Variants in POU2AF1 observed in about 807,000 individuals in gnomAD.
POU2AF1 encodes POU class 2 homeobox associating factor 1.
A neutral mutation model predicts 26.3 loss-of-function variants in POU2AF1; 12 were observed. The observed-to-expected ratio is 0.46, with a 90% CI of 0.29 to 0.74. The LOEUF (loss-of-function observed/expected upper bound fraction) is 0.74. POU2AF1 is among the 30% of genes least tolerant of loss of function. The pLI is 0.09. For missense variants in POU2AF1, 297 were observed against 334.5 expected (o/e 0.89, Z 0.87); for synonymous variants, 175 against 148.0 (o/e 1.18, Z -1.32).
At position 111,354,283 on chromosome 11, in the gene POU2AF1, G is replaced by C. The variant is rs769839003; in HGVS notation, c.749C>G (p.Thr250Ser). 1 of 1,614,200 alleles carries C rather than the reference G, an allele frequency of 6.2e-7. No homozygotes were observed. Among genetic ancestry groups the C allele is most frequent in the South Asian group, 1.1e-5 (1 of 91,078 alleles). ...EDSDAYALNH[T>S]LSVEGF ...CGCCTAAAAGCCTTCCACAGAGAGA[G>C]TGTGGTTAAGCGCATAGGCGTCGCT... The change falls in exon 5 of 5, where the codon ACT (threonine) becomes AGT (serine). Residue 250 changes from threonine (T) to serine (S), a missense_variant. Transcript: ENST00000393067.
At chr11:111,360,673 C>T (rs577512555) in intron 1 of POU2AF1, among the ~76,000 whole-genome samples, 1 of 152,242 alleles carries the variant, frequency 6.6e-6, no homozygotes, top group Middle Eastern at 3.4e-3. Flanking sequence ...TGATATAGGC[C>T]TAGGAATCTG....
At chr11:111,368,626 G>A (rs181419910) in intron 1 of POU2AF1, among the ~76,000 whole-genome samples, 1 of 152,280 alleles carries the variant, frequency 6.6e-6, no homozygotes, top group East Asian at 1.9e-4. Context: ...CTCTTCAACT[G>A]GGAGAGGAAG....
At chr11:111,371,671 C>T (rs1861211749) in intron 1 of POU2AF1, among the ~76,000 whole-genome samples, 4 of 152,248 alleles carry the variant, frequency 2.6e-5, no homozygotes, top group Admixed American at 6.5e-5. Context: ...CCGGCATAAC[C>T]TTTGTCTTCA....
Position 111,354,164 on chromosome 11 carries a change from G to A in POU2AF1, c.*97C>T. The A allele has an allele frequency of 5.2e-6, 7 of 1,342,656 alleles. No individual in the cohort carries two copies. The highest frequency in any genetic ancestry group is 4.5e-5 in the Admixed American group (2 of 44,598). The allele number at this position is 1,342,656 out of a possible 1,614,324, so 83.2% of individuals were successfully genotyped here. A position where few individuals can be genotyped will look rare whatever the true frequency, so the allele number is the denominator to read the frequency against. ...AGCTGTGCGTAGAAAGTGTAGTCAT[G>A]AAATGACTACTCCAAACAAGCATGA... On this transcript the variant is annotated 3_prime_UTR_variant, in exon 5 of 5. Coordinates refer to ENST00000393067, the MANE Select transcript of POU2AF1 (RefSeq NM_006235.3).
intron 1 of POU2AF1, among the ~76,000 whole-genome samples, chr11:111,361,234 G>A (rs1483523667): frequency 6.6e-6 from 1 of 152,174 alleles, no homozygotes; most frequent in Non-Finnish European, 1.5e-5. Flanking sequence ...GTTACCAGCA[G>A]ATGAATGTGT....
chr11:111,367,784 C>T (rs1304187341), intron 1 of POU2AF1, among the ~76,000 whole-genome samples: 1 of 152,220 alleles, frequency 6.6e-6, no homozygotes, highest in African/African-American at 2.4e-5. Flanking sequence ...TGTCAGCAGC[C>T]TTCTCACATG....
Position 111,353,341 on chromosome 11 carries a change from C to G in POU2AF1, c.*920G>C, listed in dbSNP as rs887425445. The G allele has an allele frequency of 1.7e-5, 4 of 233,912 alleles. No homozygotes were observed. The highest frequency in any genetic ancestry group is 2.5e-5 in the Non-Finnish European group (3 of 118,456). 14.5% of individuals were successfully genotyped at this position (233,912 alleles called of 1,614,324 possible). A position where few individuals can be genotyped will look rare whatever the true frequency, so the allele number is the denominator to read the frequency against. On this transcript the variant is annotated 3_prime_UTR_variant, in exon 5 of 5. Transcript: ENST00000393067. ...AGTCATTCCTCAGCCTTCCTCCTCC[C>G]TGCATCAAACTCAAGCTTCCTCCCA...
chr11:111,360,465 G>A (rs543885360), intron 1 of POU2AF1, among the ~76,000 whole-genome samples: 2 of 152,350 alleles, frequency 1.3e-5, no homozygotes, highest in South Asian at 4.1e-4. Context: ...AGAAGGCAGA[G>A]AGAAGCTTGG....
At chr11:111,360,767 AAGCCCATAT>A (rs1268826856) in intron 1 of POU2AF1, among the ~76,000 whole-genome samples, 1 of 152,110 alleles carries the variant, frequency 6.6e-6, no homozygotes, top group Non-Finnish European at 1.5e-5. Flanking sequence ...AACATGGTGA[AAGCCCATAT>A]TTACTGAAAT....
chr11:111,358,368 T>TCA lies in POU2AF1; in HGVS notation c.147+418_147+419dup, dbSNP rs745706431. On this transcript the variant is annotated intron_variant, in intron 2 of 4. Coordinates refer to ENST00000393067, the MANE Select transcript of POU2AF1 (RefSeq NM_006235.3). ...CTCTCACACTCACACTCTCACACACTCACACACTCTCTCACACACACTCCC... is the reference window on the plus strand; with the variant it reads ...CTCTCACACTCACACTCTCACACACTCACACACACTCTCTCACACACACTCCC... Among the ~76,000 whole-genome samples the TCA allele has an allele frequency of 3.5e-3, 288 of 82,204 alleles. 4 individuals are homozygous for TCA. Among genetic ancestry groups the TCA allele is most frequent in the African/African-American group, 0.011 (259 of 23,560 alleles). The allele number at this position is 82,204 out of a possible 152,430, so 53.9% of individuals were successfully genotyped here.
At position 111,358,810 on chromosome 11, in the gene POU2AF1, C is replaced by T; in HGVS notation, c.125G>A (p.Gly42Glu). 6.2e-7 allele frequency: 1 copy of T among 1,603,286 alleles called. No homozygotes were observed. Among genetic ancestry groups the T allele is most frequent in the South Asian group, 1.1e-5 (1 of 89,828 alleles). Residue 42 changes from glycine to glutamate, a missense_variant, in exon 2 of 5, where the codon GGG becomes GAG. Physicochemically the swap from Gly to Glu is moderately conservative, Grantham distance 98. Transcript: ENST00000393067. ...LRRKRGHASSGAAPAPTAVVL... is the reference protein window; with the variant it reads ...LRRKRGHASSEAAPAPTAVVL... The stretch of plus-strand genomic sequence containing the variant: ...CACCGCCGTAGGTGCAGGTGCTGCC[C>T]CACTGCTGGCGTGGCCTCGCTTCCT...
At chr11:111,377,539 G>T (rs1273261623) in intron 1 of POU2AF1, among the ~76,000 whole-genome samples, 1 of 152,186 alleles carries the variant, frequency 6.6e-6, no homozygotes, top group African/African-American at 2.4e-5. Flanking sequence ...CAATGAACAT[G>T]ACTTCGGTGG....
chr11:111,362,410 TTCTA>T (rs1861028188), intron 1 of POU2AF1, among the ~76,000 whole-genome samples: 1 of 152,336 alleles, frequency 6.6e-6, no homozygotes, highest in East Asian at 1.9e-4. Context: ...ATCATATTCA[TTCTA>T]TCTAACTATA....
At chr11:111,370,053 A>G (rs768469076) in intron 1 of POU2AF1, among the ~76,000 whole-genome samples, 2 of 152,220 alleles carry the variant, frequency 1.3e-5, no homozygotes, top group African/African-American at 2.4e-5. Context: ...AGATCCCAGC[A>G]TTAGTTTTGT....
chr11:111,359,399 C>T (rs569315539), intron 1 of POU2AF1: 19 of 197,682 alleles, frequency 9.6e-5, no homozygotes, highest in African/African-American at 1.2e-4. Flanking sequence ...GTAATTTCCA[C>T]ATTCTACAGC....
At chr11:111,356,813 C>A (rs890819398) in intron 4 of POU2AF1, among the ~76,000 whole-genome samples, 1 of 152,164 alleles carries the variant, frequency 6.6e-6, no homozygotes, top group Non-Finnish European at 1.5e-5. Context: ...TGACAACGAC[C>A]CTTTTCTTGG....
In POU2AF1 at chr11:111,356,482, C is replaced by T. The variant is rs80127713; in HGVS notation, c.456+963G>A. Among the ~76,000 whole-genome samples the T allele has an allele frequency of 8.0e-3, 1,214 of 152,326 alleles. 10 individuals are homozygous for T. The highest frequency in any genetic ancestry group is 0.014 in the Middle Eastern group (4 of 294). ...GGTGGACCAAAGCAAGCACCACCAT[C>T]GAAGGTGGGCTCTGGGACTGCTCAA... On this transcript the variant is annotated intron_variant, in intron 4 of 4. Coordinates refer to ENST00000393067, the MANE Select transcript of POU2AF1 (RefSeq NM_006235.3).
intron 4 of POU2AF1, among the ~76,000 whole-genome samples, chr11:111,356,781 CA>C (rs1860854137): frequency 6.6e-6 from 1 of 152,192 alleles, no homozygotes; most frequent in African/African-American, 2.4e-5. Flanking sequence ...AAGCCCTCCA[CA>C]CTCATTATTT....
chr11:111,372,883 G>A (rs540969189), intron 1 of POU2AF1, among the ~76,000 whole-genome samples: 1 of 152,282 alleles, frequency 6.6e-6, no homozygotes, highest in East Asian at 1.9e-4. Context: ...ATGATCTTTT[G>A]CTATTCCTTT....
Sources: gnomAD v4.1 joint callset for allele counts (sites outside exome capture counted in the v4.1 genomes callset) on GRCh38, gnomAD v4.1.1 for gene constraint, MANE v1.5 for transcripts, NCBI Gene and HGNC (gene_info 2026-07-23, HGNC 2026-07-21) for gene names.